The following GALNT17 variants were observed in gnomAD, a reference collection of about 807,000 sequenced individuals.
GALNT17 encodes polypeptide N-acetylgalactosaminyltransferase 17.
In GALNT17, 29 loss-of-function variants were observed where a neutral mutation model predicts 63.7. That is an observed-to-expected ratio of 0.46 (90% CI 0.34 to 0.62). The LOEUF is 0.62. Ranked by LOEUF, GALNT17 falls within the 20% of genes least tolerant of loss-of-function variation. The pLI, the probability that GALNT17 is intolerant of heterozygous loss-of-function variation, is 0.01. For synonymous variants in GALNT17, 305 were observed against 318.3 expected (o/e 0.96, Z 0.45); for missense variants, 603 against 799.6 (o/e 0.75, Z 2.97).
chr7:71,311,838 G>A (rs958167410), intron 1 of GALNT17, among the ~76,000 whole-genome samples: 1 of 152,238 alleles, frequency 6.6e-6, no homozygotes, highest in Non-Finnish European at 1.5e-5. Context: ...TTGCTGAGAT[G>A]CAAGGAACAT....
At chr7:71,323,353 G>A (rs1563002543) in intron 1 of GALNT17, among the ~76,000 whole-genome samples, 1 of 152,134 alleles carries the variant, frequency 6.6e-6, no homozygotes, top group African/African-American at 2.4e-5. Flanking sequence ...CACCAAATGG[G>A]GTTGTGGGGC....
chr7:71,460,758 AT>A (rs1254631144), intron 5 of GALNT17, among the ~76,000 whole-genome samples: 1 of 152,176 alleles, frequency 6.6e-6, no homozygotes, highest in African/African-American at 2.4e-5. Flanking sequence ...TGGATCATTC[AT>A]GCCTCCCCTT....
At chr7:71,479,340 C>T (rs1787776413) in intron 5 of GALNT17, among the ~76,000 whole-genome samples, 2 of 151,948 alleles carry the variant, frequency 1.3e-5, no homozygotes, top group African/African-American at 2.4e-5. Flanking sequence ...CAGTTTTGCA[C>T]TGGGGCTCAG....
At chr7:71,420,880 G>A in intron 4 of GALNT17, 28 bp from the exon 5 acceptor site, 2 of 1,587,320 alleles carry the variant, frequency 1.3e-6, no homozygotes, top group African/African-American at 1.4e-5. Flanking sequence ...GAGAAGAGAG[G>A]TTTCATGTCT....
chr7:71,217,099 G>A (rs577869192), intron 1 of GALNT17, among the ~76,000 whole-genome samples: 1 of 151,008 alleles, frequency 6.6e-6, no homozygotes, highest in Non-Finnish European at 1.5e-5. Flanking sequence ...GAGTAGCTGG[G>A]ACTATGGGCG....
chr7:71,551,629 G>T lies in GALNT17; in HGVS notation c.963-19656G>T, dbSNP rs576375601. Among the ~76,000 whole-genome samples the T allele has an allele frequency of 1.2e-4, 19 of 152,178 alleles. No homozygotes were observed. The South Asian group carries it at 3.9e-3, about 32-fold the overall frequency. ...AAATACAAAAAGAAATTAGCCAGGT[G>T]CATGGCACAGACCTGTAGTCCTAGC... On this transcript the variant is annotated intron_variant, in intron 5 of 10. Coordinates refer to ENST00000333538, the MANE Select transcript of GALNT17 (RefSeq NM_022479.3).
chr7:71,685,914 GTTT>G lies in GALNT17; in HGVS notation c.1500+8621_1500+8623del, dbSNP rs5884855. 1.4e-3 allele frequency among the ~76,000 whole-genome samples: 169 copies of G among 118,660 alleles called. 1 individual carries two copies. In the East Asian group the frequency reaches 0.027, roughly 19 times the overall value. The allele number at this position is 118,660 out of a possible 152,430, so 77.8% of individuals were successfully genotyped here. A position where few individuals can be genotyped will look rare whatever the true frequency, so the allele number is the denominator to read the frequency against. On this transcript the variant is annotated intron_variant, in intron 9 of 10. Transcript: ENST00000333538. ...TTTTTTATATAATTGAGGTTCTTGG[GTTT>G]TTTTTTTTTTTTCTTTTCAAGGCAA...
intron 1 of GALNT17, among the ~76,000 whole-genome samples, chr7:71,170,461 G>A (rs1040737452): frequency 1.3e-5 from 2 of 151,964 alleles, no homozygotes; most frequent in African/African-American, 2.4e-5. Flanking sequence ...TCAGCTTCCT[G>A]AGTAGCTGTG....
In GALNT17 at chr7:71,247,775, C is replaced by T. The variant is rs79207044; in HGVS notation, c.239-87775C>T. 6.7e-3 allele frequency among the ~76,000 whole-genome samples: 1,015 copies of T among 152,188 alleles called. 6 individuals are homozygous for T. Among genetic ancestry groups the T allele is most frequent in the African/African-American group, 0.023 (939 of 41,532 alleles). On this transcript the variant is annotated intron_variant, in intron 1 of 10. Transcript: ENST00000333538. ...CCTGGCCAAAGAGTCTACTGTTGACCAGAAGTCTAACCAGTAACATAAAGT... is the reference window on the plus strand; with the variant it reads ...CCTGGCCAAAGAGTCTACTGTTGACTAGAAGTCTAACCAGTAACATAAAGT...
intron 5 of GALNT17, among the ~76,000 whole-genome samples, chr7:71,431,368 A>C (rs1203074835): frequency 6.6e-6 from 1 of 151,726 alleles, no homozygotes. Context: ...GCACCACCAC[A>C]GCTGGCTAAT....
intron 6 of GALNT17, among the ~76,000 whole-genome samples, chr7:71,592,516 TAAAATAAAATAAAATAAAATAA>T (rs2116918972): frequency 2.4e-5 from 2 of 81,734 alleles, no homozygotes; most frequent in Admixed American, 1.3e-4. Flanking sequence ...TAAAATAAAA[TAAAATAAAATAAAATAAAATAA>T]AATAAAATAG....
chr7:71,235,574 CAGA>C (rs1451790135), intron 1 of GALNT17, among the ~76,000 whole-genome samples: 1 of 152,172 alleles, frequency 6.6e-6, no homozygotes, highest in Non-Finnish European at 1.5e-5. Flanking sequence ...CCAGAAAATA[CAGA>C]AGAACAAAAT....
In GALNT17 at chr7:71,321,926, T is replaced by TTCCTTCCTTCCTTC. The variant is rs1563001256; in HGVS notation, c.239-13624_239-13623insTCCTTCCTTCCTTC. On this transcript the variant is annotated intron_variant, in intron 1 of 10. Coordinates refer to ENST00000333538, the MANE Select transcript of GALNT17 (RefSeq NM_022479.3). ...TCCTTCCTTCCTTCCTTCCTTCCCCTCCCTCCCTCCCTCCCTCCCTTCCTT... is the reference window on the plus strand; with the variant it reads ...TCCTTCCTTCCTTCCTTCCTTCCCCTTCCTTCCTTCCTTCCCCTCCCTCCCTCCCTCCCTTCCTT... 4.6e-3 allele frequency among the ~76,000 whole-genome samples: 181 copies of TTCCTTCCTTCCTTC among 39,688 alleles called. 4 individuals are homozygous for TTCCTTCCTTCCTTC. Among genetic ancestry groups the TTCCTTCCTTCCTTC allele is most frequent in the East Asian group, 0.035 (39 of 1,102 alleles). The allele number at this position is 39,688 out of a possible 152,430, so 26.0% of individuals were successfully genotyped here. A position where few individuals can be genotyped will look rare whatever the true frequency, so the allele number is the denominator to read the frequency against.
chr7:71,220,355 G>A (rs1789561176), intron 1 of GALNT17, among the ~76,000 whole-genome samples: 1 of 152,148 alleles, frequency 6.6e-6, no homozygotes, highest in African/African-American at 2.4e-5. Context: ...GTTTATCTTG[G>A]CACCAACAAC....
At chr7:71,161,855 A>G (rs76069536) in intron 1 of GALNT17, among the ~76,000 whole-genome samples, 3,802 of 152,150 alleles carry the variant, frequency 0.025, 131 homozygotes, top group East Asian at 0.12. Flanking sequence ...TTCTGTTTCA[A>G]CGTTGTATCT....
intron 6 of GALNT17, among the ~76,000 whole-genome samples, chr7:71,643,098 C>T (rs1039905861): frequency 6.6e-6 from 1 of 152,122 alleles, no homozygotes; most frequent in Non-Finnish European, 1.5e-5. Flanking sequence ...AGGACAAAGA[C>T]CTGGGGTGGT....
At chr7:71,302,154 A>G (rs1039847407) in intron 1 of GALNT17, among the ~76,000 whole-genome samples, 6 of 152,124 alleles carry the variant, frequency 3.9e-5, no homozygotes, top group African/African-American at 1.2e-4. Flanking sequence ...CGATGAGAAT[A>G]CATGGACACA....
At chr7:71,227,777 A>G (rs1196028420) in intron 1 of GALNT17, among the ~76,000 whole-genome samples, 1 of 152,060 alleles carries the variant, frequency 6.6e-6, no homozygotes, top group Non-Finnish European at 1.5e-5. Flanking sequence ...TTTATGAGTG[A>G]TTTGCCAAAA....
intron 5 of GALNT17, among the ~76,000 whole-genome samples, chr7:71,524,734 A>C (rs557871181): frequency 2.0e-5 from 3 of 152,198 alleles, no homozygotes; most frequent in Non-Finnish European, 4.4e-5. Context: ...CATCTTCCTG[A>C]AATTAACATG....
Sources: gnomAD v4.1 joint callset for allele counts (sites outside exome capture counted in the v4.1 genomes callset) on GRCh38, gnomAD v4.1.1 for gene constraint, MANE v1.5 for transcripts, NCBI Gene and HGNC (gene_info 2026-07-23, HGNC 2026-07-21) for gene names.